LRRFIP2: variants seen among roughly 807,000 people sequenced by gnomAD.
The protein encoded by LRRFIP2 is LRR binding FLII interacting protein 2.
A neutral mutation model predicts 125.9 loss-of-function variants in LRRFIP2; 109 were observed. The observed-to-expected ratio is 0.87, with a 90% CI of 0.74 to 1.01. The LOEUF (loss-of-function observed/expected upper bound fraction) is 1.01, where lower values mean the gene tolerates loss of function less well. Among genes scored for constraint, LRRFIP2 ranks in the 50% least tolerant of loss-of-function variants. The pLI is 0.00. For synonymous variants in LRRFIP2, 291 were observed against 293.1 expected, an observed-to-expected ratio of 0.99 and a Z score of 0.07; for missense variants, 850 against 862.3, an observed-to-expected ratio of 0.99 and a Z score of 0.18.
At chr3:37,098,316 TG>T (rs1428166042) in intron 15 of LRRFIP2, among the ~76,000 whole-genome samples, 1 of 152,070 alleles carries the variant, frequency 6.6e-6, no homozygotes, top group African/African-American at 2.4e-5. Flanking sequence ...CTAGGGTACA[TG>T]TGTACAACGT....
At chr3:37,117,064 C>G (rs2094822946) in intron 6 of LRRFIP2, among the ~76,000 whole-genome samples, 1 of 149,614 alleles carries the variant, frequency 6.7e-6, no homozygotes, top group Non-Finnish European at 1.5e-5. Context: ...GACACTTCCC[C>G]AAAAATAAAG....
intron 1 of LRRFIP2, among the ~76,000 whole-genome samples, chr3:37,157,893 AGTC>A (rs1323296743): frequency 6.6e-6 from 1 of 152,242 alleles, no homozygotes; most frequent in Non-Finnish European, 1.5e-5. Flanking sequence ...CTACTTTTAT[AGTC>A]ATTTGTCCTA....
intron 13 of LRRFIP2, among the ~76,000 whole-genome samples, chr3:37,106,859 T>C (rs184905453): frequency 3.7e-4 from 57 of 152,030 alleles, no homozygotes; most frequent in African/African-American, 1.2e-3. Flanking sequence ...TAAGTGTCTA[T>C]AGTAGCAAAA....
At chr3:37,155,822 G>A (rs376298249) in intron 1 of LRRFIP2, among the ~76,000 whole-genome samples, 1 of 152,240 alleles carries the variant, frequency 6.6e-6, no homozygotes, top group Non-Finnish European at 1.5e-5. Flanking sequence ...AATCCAGATG[G>A]TAGGTACATG....
At chr3:37,107,280 C>T (rs1175621895) in intron 13 of LRRFIP2, among the ~76,000 whole-genome samples, 2 of 151,998 alleles carry the variant, frequency 1.3e-5, no homozygotes, top group Admixed American at 6.6e-5. Context: ...TATGAAACTA[C>T]CTCTAAGAGA....
intron 19 of LRRFIP2, among the ~76,000 whole-genome samples, chr3:37,076,271 C>T (rs566096062): frequency 1.1e-4 from 17 of 152,346 alleles, no homozygotes; most frequent in Non-Finnish European, 1.5e-4. Context: ...TGCCTGTAAT[C>T]CCAGCACTCT....
intron 2 of LRRFIP2, chr3:37,135,161 TG>T: frequency 1.8e-6 from 2 of 1,095,228 alleles, no homozygotes; most frequent in Non-Finnish European, 1.3e-6. Flanking sequence ...TTTAAATTAC[TG>T]TTTAAAAAAA....
chr3:37,167,107 G>A (rs1035185359), intron 1 of LRRFIP2, among the ~76,000 whole-genome samples: 5 of 151,032 alleles, frequency 3.3e-5, no homozygotes, highest in Non-Finnish European at 4.4e-5. Context: ...TGAGGTGGGA[G>A]GATCATTTTA....
At chr3:37,158,331 G>C (rs2096252371) in intron 1 of LRRFIP2, among the ~76,000 whole-genome samples, 1 of 152,174 alleles carries the variant, frequency 6.6e-6, no homozygotes, top group Non-Finnish European at 1.5e-5. Flanking sequence ...AACAGGCCAG[G>C]CACGGTGGCT....
intron 1 of LRRFIP2, among the ~76,000 whole-genome samples, chr3:37,167,669 AAAGAAAG>A (rs1210213647): frequency 2.0e-5 from 3 of 149,040 alleles, no homozygotes; most frequent in Non-Finnish European, 4.5e-5. Flanking sequence ...AAAAAAAAAG[AAAGAAAG>A]AAAAAAGAAA....
intron 1 of LRRFIP2, among the ~76,000 whole-genome samples, chr3:37,165,845 GAA>G (rs750322162): frequency 6.9e-6 from 1 of 145,350 alleles, no homozygotes; most frequent in Non-Finnish European, 1.5e-5. Context: ...AAGAAAGAAA[GAA>G]AGAAAGAAAG....
intron 1 of LRRFIP2, among the ~76,000 whole-genome samples, chr3:37,169,800 T>C (rs1253864399): frequency 6.6e-6 from 1 of 151,840 alleles, no homozygotes; most frequent in Non-Finnish European, 1.5e-5. Flanking sequence ...ATATACAGGG[T>C]TCAAAATGAA....
intron 2 of LRRFIP2, among the ~76,000 whole-genome samples, chr3:37,142,177 G>A (rs988853863): frequency 1.4e-5 from 2 of 146,570 alleles, no homozygotes; most frequent in South Asian, 2.2e-4. Flanking sequence ...TTGAGACAGG[G>A]TCTCACTCTG....
intron 18 of LRRFIP2, 118 bp from the exon 19 acceptor site, chr3:37,083,924 G>A (rs2092838830): frequency 1.4e-6 from 1 of 730,800 alleles, no homozygotes; most frequent in East Asian, 3.2e-5. Context: ...TAAAATACAA[G>A]CGGTTTGGGG....
intron 2 of LRRFIP2, among the ~76,000 whole-genome samples, chr3:37,132,678 T>G (rs1440315075): frequency 1.3e-5 from 2 of 152,122 alleles, no homozygotes; most frequent in Admixed American, 6.5e-5. Flanking sequence ...TAAGCAGGAG[T>G]AGCAAGGAGC....
intron 2 of LRRFIP2, among the ~76,000 whole-genome samples, 181 bp from the exon 3 acceptor site, chr3:37,129,330 C>G (rs1000149723): frequency 3.3e-5 from 5 of 152,234 alleles, no homozygotes; most frequent in African/African-American, 1.2e-4. Flanking sequence ...ATTTCTTTCT[C>G]TAGTTCCTAA....
At chr3:37,128,057 A>G (rs1385531208) in intron 3 of LRRFIP2, among the ~76,000 whole-genome samples, 1 of 152,154 alleles carries the variant, frequency 6.6e-6, no homozygotes, top group East Asian at 1.9e-4. Context: ...ACTTATTATT[A>G]TATTTAGTAT....
intron 6 of LRRFIP2, among the ~76,000 whole-genome samples, chr3:37,118,196 G>C (rs2094879511): frequency 6.6e-6 from 1 of 152,032 alleles, no homozygotes. Flanking sequence ...TGAGACCACA[G>C]GCATGCAGCA....
At chr3:37,080,975 T>C (rs1431138151) in intron 19 of LRRFIP2, among the ~76,000 whole-genome samples, 2 of 152,164 alleles carry the variant, frequency 1.3e-5, no homozygotes, top group African/African-American at 2.4e-5. Flanking sequence ...AATGGTCTTT[T>C]GATTATGCTT....
Sources: allele counts gnomAD v4.1 joint callset (sites outside exome capture counted in the v4.1 genomes callset), GRCh38; gene constraint gnomAD v4.1.1; transcripts MANE v1.5; gene names NCBI Gene and HGNC (gene_info 2026-07-23, HGNC 2026-07-21).